The following FANCD2OS variants were observed in gnomAD, a reference collection of about 807,000 sequenced individuals.
FANCD2OS encodes the protein FANCD2 opposite strand, also known as FANCD2 opposite strand protein.
A neutral mutation model predicts 13.2 loss-of-function variants in FANCD2OS; 11 were observed. That is an observed-to-expected ratio of 0.83 (90% CI 0.52 to 1.38). The LOEUF (loss-of-function observed/expected upper bound fraction) is 1.38, where lower values mean the gene tolerates loss of function less well. Among genes scored for constraint, FANCD2OS ranks in the 40% most tolerant of loss-of-function variants. The pLI is 0.00. For synonymous variants in FANCD2OS, 69 were observed against 84.5 expected (o/e 0.82, Z 1.01); for missense variants, 217 against 213.9 (o/e 1.01, Z -0.09).
At chr3:10,086,297 G>GTAGGAAGACCT (rs1171798708) in intron 2 of FANCD2OS, among the ~76,000 whole-genome samples, 1 of 152,134 alleles carries the variant, frequency 6.6e-6, no homozygotes, top group Non-Finnish European at 1.5e-5. Context: ...CCCTTGTCTT[G>GTAGGAAGACCT]TAGGAAGACC....
intron 2 of FANCD2OS, among the ~76,000 whole-genome samples, chr3:10,085,625 C>T (rs1480383921): frequency 6.6e-6 from 1 of 151,920 alleles, no homozygotes; most frequent in South Asian, 2.1e-4. Flanking sequence ...GTGTTGACCT[C>T]GTTATTCGCC....
chr3:10,105,814 A>ATATATATG (rs1695482189), intron 1 of FANCD2OS, among the ~76,000 whole-genome samples: 1 of 75,518 alleles, frequency 1.3e-5, no homozygotes, highest in Non-Finnish European at 2.5e-5. Flanking sequence ...ATATATATAT[A>ATATATATG]TATATATTTT....
downstream of FANCD2OS, among the ~76,000 whole-genome samples, chr3:10,100,930 G>T (rs147665840): frequency 6.6e-6 from 1 of 152,078 alleles, no homozygotes; most frequent in African/African-American, 2.4e-5. Context: ...TTAGCCGGGC[G>T]TGGTGGCACA....
chr3:10,092,201 C>G lies in FANCD2OS; in HGVS notation c.*44-10670G>C. The G allele has an allele frequency of 6.2e-7, 1 of 1,614,016 alleles. No individual in the cohort carries two copies. Among genetic ancestry groups the G allele is most frequent in the Non-Finnish European group, 8.5e-7 (1 of 1,179,868 alleles). ...CCCAGATTCATGAAGAGAAACTCCTCTACTGGAACATGGCTGTTCGAGACT... is the reference window on the plus strand; with the variant it reads ...CCCAGATTCATGAAGAGAAACTCCTGTACTGGAACATGGCTGTTCGAGACT... On this transcript the variant is annotated intron_variant, in intron 2 of 2. Coordinates refer to the FANCD2OS transcript ENST00000524279.
chr3:10,096,304 G>A (rs769332990), intron 2 of FANCD2OS: 11 of 1,612,984 alleles, frequency 6.8e-6, no homozygotes, highest in Admixed American at 5.0e-5. Context: ...ACAAAAGATG[G>A]ATGTTATTTA....
intron 2 of FANCD2OS, chr3:10,093,145 A>G: frequency 2.9e-6 from 2 of 692,840 alleles, no homozygotes. Flanking sequence ...TCTGCTTTGT[A>G]ATATTAATTT....
At chr3:10,087,925 A>T (rs1053460582) in intron 2 of FANCD2OS, among the ~76,000 whole-genome samples, 14 of 152,128 alleles carry the variant, frequency 9.2e-5, no homozygotes, top group African/African-American at 3.4e-4. Context: ...GGGATTACAG[A>T]CGTGAGCCAC....
chr3:10,088,346 A>G (rs1694361365), intron 2 of FANCD2OS: 1 of 827,754 alleles, frequency 1.2e-6, no homozygotes, highest in Non-Finnish European at 2.1e-6. Flanking sequence ...TAGTAAATCT[A>G]AACTAATAAT....
intron 2 of FANCD2OS, among the ~76,000 whole-genome samples, chr3:10,094,564 T>C (rs1312141117): frequency 6.6e-6 from 1 of 152,212 alleles, no homozygotes; most frequent in African/African-American, 2.4e-5. Flanking sequence ...CAAACCCACC[T>C]TTCTATTTCT....
At chr3:10,088,427 C>G (rs1694368954) in intron 2 of FANCD2OS, 3 of 1,470,958 alleles carry the variant, frequency 2.0e-6, no homozygotes, top group Non-Finnish European at 2.9e-6. Context: ...ATGTAAGATT[C>G]CTTTGTCTTC....
At chr3:10,099,361 G>C, downstream of FANCD2OS, 2 of 1,172,422 alleles carry the variant, frequency 1.7e-6, no homozygotes, top group Non-Finnish European at 2.1e-6. Context: ...AGTGGCTCAT[G>C]CTTGTAATCC....
chr3:10,104,782 C>T lies in FANCD2OS; in HGVS notation c.-8G>A, dbSNP rs1229656273. ...GAGCTGGTATCCTGCCATTGACAGTCCTAAAGGAGGGAAATCAGAGCATGG... is the reference window on the plus strand; with the variant it reads ...GAGCTGGTATCCTGCCATTGACAGTTCTAAAGGAGGGAAATCAGAGCATGG... On this transcript the variant is annotated splice_region_variant and 5_prime_UTR_variant, in exon 2 of 2. Coordinates refer to ENST00000450660, the MANE Select transcript of FANCD2OS (RefSeq NM_001164839.2). The T allele has an allele frequency of 1.3e-6, 2 of 1,547,068 alleles. No individual in the cohort carries two copies. The highest frequency in any genetic ancestry group is 2.0e-5 in the Admixed American group (1 of 51,268).
chr3:10,105,796 ATATATATATATATATATATATATATTTT>A (rs1559415248), intron 1 of FANCD2OS, among the ~76,000 whole-genome samples: 15 of 88,082 alleles, frequency 1.7e-4, no homozygotes, highest in African/African-American at 7.9e-4. Context: ...ATATATATAT[ATATATATATATATATATATATATATTTT>A]GAGGTTCGCG....
intron 1 of FANCD2OS, among the ~76,000 whole-genome samples, chr3:10,107,320 C>G (rs182043483): frequency 6.6e-5 from 10 of 151,904 alleles, no homozygotes; most frequent in African/African-American, 2.4e-4. Flanking sequence ...CAGAGCCTTG[C>G]TCTGTCACTC....
intron 2 of FANCD2OS, chr3:10,095,415 C>A (rs539319873): frequency 1.9e-5 from 14 of 723,364 alleles, no homozygotes; most frequent in African/African-American, 1.4e-4. Flanking sequence ...CAGAGCAAAT[C>A]CTTAGTTGCT....
chr3:10,103,893 C>G (rs563439861), downstream of FANCD2OS: 6 of 217,284 alleles, frequency 2.8e-5, no homozygotes, highest in African/African-American at 1.4e-4. Context: ...TCTTTCTCCT[C>G]TACACCCCTT....
chr3:10,085,082 AGG>A (rs1426567166), intron 2 of FANCD2OS, among the ~76,000 whole-genome samples: 2 of 152,226 alleles, frequency 1.3e-5, no homozygotes, highest in Non-Finnish European at 2.9e-5. Flanking sequence ...ATGTAGGAGA[AGG>A]GGTAAGTACC....
At chr3:10,100,078 C>T (rs1224065027), downstream of FANCD2OS, among the ~76,000 whole-genome samples, 2 of 151,842 alleles carry the variant, frequency 1.3e-5, no homozygotes, top group Non-Finnish European at 2.9e-5. Flanking sequence ...GTCCCTGCTA[C>T]ACAGGAGGCT....
At chr3:10,091,793 A>G (rs1224226058) in intron 2 of FANCD2OS, among the ~76,000 whole-genome samples, 1 of 152,200 alleles carries the variant, frequency 6.6e-6, no homozygotes, top group Non-Finnish European at 1.5e-5. Flanking sequence ...GACCCAAGAC[A>G]TAGAAGAATC....
Sources: gnomAD v4.1 joint callset for allele counts (sites outside exome capture counted in the v4.1 genomes callset) on GRCh38, gnomAD v4.1.1 for gene constraint, MANE v1.5 for transcripts, NCBI Gene and HGNC (gene_info 2026-07-23, HGNC 2026-07-21) for gene names.